Variants in HPS4 observed in about 807,000 individuals in gnomAD.
HPS4 encodes HPS4 biogenesis of lysosomal organelles complex 3 subunit 2, also known as BLOC-3 complex member HPS4.
In HPS4, 44 loss-of-function variants were observed where a neutral mutation model predicts 70.3. The observed-to-expected ratio is 0.63, with a 90% CI of 0.49 to 0.80. HPS4 has a LOEUF of 0.80. Among genes scored for constraint, HPS4 ranks in the 30% least tolerant of loss-of-function variants. HPS4 has a pLI of 0.00. For synonymous variants in HPS4, 377 were observed against 355.9 expected, an observed-to-expected ratio of 1.06 and a Z score of -0.67; for missense variants, 873 against 884.4, an observed-to-expected ratio of 0.99 and a Z score of 0.16.
chr22:26,469,563 T>C (rs781490712), intron 7 of HPS4, among the ~76,000 whole-genome samples: 8 of 151,800 alleles, frequency 5.3e-5, no homozygotes, highest in Non-Finnish European at 1.2e-4. Context: ...ATTAGCCGTA[T>C]AATGTAAATA....
Position 26,453,002 on chromosome 22 carries a change from G to T in HPS4, c.*231C>A. 1.8e-6 allele frequency: 1 copy of T among 547,086 alleles called. No homozygotes were observed. The highest frequency in any genetic ancestry group is 3.3e-6 in the Non-Finnish European group (1 of 305,670). 33.9% of individuals were successfully genotyped at this position (547,086 alleles called of 1,614,324 possible). A position where few individuals can be genotyped will look rare whatever the true frequency, so the allele number is the denominator to read the frequency against. On this transcript the variant is annotated 3_prime_UTR_variant, in exon 14 of 14. Coordinates refer to ENST00000398145, the MANE Select transcript of HPS4 (RefSeq NM_022081.6). ...AGCCCGTCCCGGCCCCAACACTACC[G>T]ATTAAATACAGTTCTTTATCAAGTG...
chr22:26,474,357 T>C (rs2090243078), intron 4 of HPS4, among the ~76,000 whole-genome samples: 1 of 148,968 alleles, frequency 6.7e-6, no homozygotes, highest in Non-Finnish European at 1.5e-5. Context: ...ACAATGATGC[T>C]GGAAGAACTG....
At chr22:26,458,330 G>A in intron 12 of HPS4, 115 bp downstream of exon 12, 1 of 1,348,606 alleles carries the variant, frequency 7.4e-7, no homozygotes, top group Non-Finnish European at 1.1e-6. Flanking sequence ...CCTGAACGCA[G>A]GTCAGACAAC....
Position 26,464,225 on chromosome 22 carries a change from A to G in HPS4, c.1405T>C (p.Leu469=), listed in dbSNP as rs1368814312. 1 of 1,614,084 alleles carries G rather than the reference A, an allele frequency of 6.2e-7. No homozygotes were observed. Among genetic ancestry groups the G allele is most frequent in the Non-Finnish European group, 8.5e-7 (1 of 1,180,046 alleles). Residue 469 remains leucine, a synonymous_variant, in exon 11 of 14, where the codon TTG becomes CTG. Transcript: ENST00000398145. ...CCTGGATCTAAGCGAGGCAATAACA[A>G]GGGCCTGCGGGTCCTTCTGGGGAGA... is the stretch of plus-strand genomic sequence containing the variant. The part of the protein sequence containing the change: ...DPLPRRTRRP[L]LLPRLDPGQR...
chr22:26,469,399 G>A (rs1478703140), intron 7 of HPS4, among the ~76,000 whole-genome samples: 1 of 151,970 alleles, frequency 6.6e-6, no homozygotes, highest in Non-Finnish European at 1.5e-5. Flanking sequence ...AGTAAGCTGT[G>A]TTTATGCCAC....
Position 26,451,990 on chromosome 22 carries a change from GCGCGCGCGCGCGCGCA to G in HPS4, c.*1227_*1242del. The G allele has an allele frequency of 5.2e-5, 1 of 19,376 alleles. No individual in the cohort carries two copies. The allele number at this position is 19,376 out of a possible 1,614,324, so 1.2% of individuals were successfully genotyped here. ...AAAGAGGGATGCGCCCACGTTACGCGCGCGCGCGCGCGCGCACACACACACACACACACACACACAC... is the reference window on the plus strand; with the variant it reads ...AAAGAGGGATGCGCCCACGTTACGCGCACACACACACACACACACACACAC... On this transcript the variant is annotated 3_prime_UTR_variant, in exon 14 of 14. Coordinates refer to ENST00000398145, the MANE Select transcript of HPS4 (RefSeq NM_022081.6).
At position 26,483,741 on chromosome 22, in the gene HPS4, G is replaced by A; in HGVS notation, c.-546C>T. On this transcript the variant is annotated 5_prime_UTR_variant, in exon 1 of 14. Transcript: ENST00000398145. ...GACCAGAAATGTGGGCAGCAGCTGG[G>A]TACCTGCGACTTCTGCCCCGTACCT... is the stretch of plus-strand genomic sequence containing the variant. The A allele has an allele frequency of 2.1e-6, 1 of 468,090 alleles. No homozygotes were observed. The highest frequency in any genetic ancestry group is 3.5e-6 in the Non-Finnish European group (1 of 285,054). The allele number at this position is 468,090 out of a possible 1,614,324, so 29.0% of individuals were successfully genotyped here. A position where few individuals can be genotyped will look rare whatever the true frequency, so the allele number is the denominator to read the frequency against.
intron 7 of HPS4, among the ~76,000 whole-genome samples, chr22:26,469,706 A>G (rs1398150033): frequency 4.1e-5 from 2 of 49,110 alleles, no homozygotes; most frequent in African/African-American, 9.4e-5. Context: ...AAAAAAGAAA[A>G]AAAAATATAT....
Position 26,451,998 on chromosome 22 carries a change from GCGCGCGCACACACACACACACA to G in HPS4, c.*1213_*1234del, listed in dbSNP as rs1207531376. ...ATGCGCCCACGTTACGCGCGCGCGC[GCGCGCGCACACACACACACACA>G]CACACACACACACACACACACACTG... On this transcript the variant is annotated 3_prime_UTR_variant, in exon 14 of 14. Transcript: ENST00000398145. 16 of 61,344 alleles carry G rather than the reference GCGCGCGCACACACACACACACA, an allele frequency of 2.6e-4. No homozygotes were observed. Among genetic ancestry groups the G allele is most frequent in the African/African-American group, 1.1e-3 (15 of 13,218 alleles). 3.8% of individuals were successfully genotyped at this position (61,344 alleles called of 1,614,324 possible).
At chr22:26,447,355 C>T (rs922729154), downstream of HPS4, among the ~76,000 whole-genome samples, 9 of 152,132 alleles carry the variant, frequency 5.9e-5, no homozygotes, top group South Asian at 2.1e-4. Flanking sequence ...GCAGCTCTGC[C>T]GAAAACCAGC....
intron 11 of HPS4, among the ~76,000 whole-genome samples, 195 bp downstream of exon 11, chr22:26,463,722 T>A (rs573817273): frequency 3.7e-4 from 56 of 152,286 alleles, no homozygotes; most frequent in African/African-American, 1.3e-3. Flanking sequence ...TGCGCTTGAC[T>A]CACTCTTACC....
chr22:26,480,457 T>C (rs2091165143), intron 2 of HPS4, among the ~76,000 whole-genome samples: 1 of 152,148 alleles, frequency 6.6e-6, no homozygotes, highest in Non-Finnish European at 1.5e-5. Flanking sequence ...AGGTGTGAGC[T>C]ACTGAGCCTG....
intron 13 of HPS4, 64 bp from the exon 14 acceptor site, chr22:26,453,468 G>A: frequency 1.9e-6 from 3 of 1,568,966 alleles, no homozygotes; most frequent in Middle Eastern, 2.2e-4. Flanking sequence ...ACCACACAGA[G>A]ACCTCAGTAA....
intron 2 of HPS4, 124 bp from the exon 3 acceptor site, chr22:26,479,479 C>G (rs1459772350): frequency 6.7e-7 from 1 of 1,491,900 alleles, no homozygotes; most frequent in Non-Finnish European, 8.9e-7. Context: ...TTCAGGTGGC[C>G]CCAGAGAATA....
chr22:26,472,447 T>C, intron 5 of HPS4, 29 bp from the exon 6 acceptor site: 1 of 1,368,326 alleles, frequency 7.3e-7, no homozygotes, highest in Non-Finnish European at 1.0e-6. Flanking sequence ...CAGGTCAATA[T>C]CTGAGATTTT....
chr22:26,477,068 A>T lies in HPS4; in HGVS notation c.201T>A (p.Ile67=), dbSNP rs747578415. ...IAGVVRCVSD[I]SDSPPTLVRL... ...GAACAAGAGTAGGAGGAGAGTCAGA[A>T]ATGTCAGAAACACAGCGGACAACTC... The change falls in exon 4 of 14, where the codon ATT becomes ATA. Residue 67 remains isoleucine, a synonymous_variant. Transcript: ENST00000398145. 5 of 1,614,198 alleles carry T rather than the reference A, an allele frequency of 3.1e-6. No homozygotes were observed. The South Asian group carries it at 5.5e-5, about 18-fold the overall frequency.
Position 26,458,511 on chromosome 22 carries a change from C to T in HPS4, c.1780G>A (p.Glu594Lys), listed in dbSNP as rs2086620091. ...TAGGTGCTGCTCGTGGAGGCTGCCTCATCCCTGGGCAGCGTCTCTTTCAGG... is the reference window on the plus strand; with the variant it reads ...TAGGTGCTGCTCGTGGAGGCTGCCTTATCCCTGGGCAGCGTCTCTTTCAGG... ...VHLKETLPRDEAASTSSTYNF... is the reference protein window; with the variant it reads ...VHLKETLPRDKAASTSSTYNF... Residue 594 changes from glutamate to lysine, a missense_variant, in exon 12 of 14, where the codon GAG becomes AAG. Physicochemically the swap from Glu to Lys is moderately conservative, Grantham distance 56 (BLOSUM62 1). Coordinates refer to ENST00000398145, the MANE Select transcript of HPS4 (RefSeq NM_022081.6). The T allele has an allele frequency of 6.2e-7, 1 of 1,614,116 alleles. No individual in the cohort carries two copies. Among genetic ancestry groups the T allele is most frequent in the Non-Finnish European group, 8.5e-7 (1 of 1,179,972 alleles).
chr22:26,448,465 A>G (rs566390697), downstream of HPS4, among the ~76,000 whole-genome samples: 10 of 152,358 alleles, frequency 6.6e-5, no homozygotes, highest in African/African-American at 2.4e-4. Context: ...AAGGATGCAC[A>G]AGGTGTCTTT....
chr22:26,447,166 A>G (rs942868994), downstream of HPS4, among the ~76,000 whole-genome samples: 4 of 152,224 alleles, frequency 2.6e-5, no homozygotes, highest in Admixed American at 6.5e-5. Flanking sequence ...ACTCTGGGCC[A>G]CTGAGAGATT....
Sources: gnomAD v4.1 joint callset for allele counts (sites outside exome capture counted in the v4.1 genomes callset) on GRCh38, gnomAD v4.1.1 for gene constraint, MANE v1.5 for transcripts, NCBI Gene and HGNC (gene_info 2026-07-23, HGNC 2026-07-21) for gene names.